CLEC2A: variants seen among roughly 807,000 people sequenced by gnomAD.
CLEC2A encodes keratinocyte-associated C-type lectin.
Under a neutral mutation model 18.6 loss-of-function variants are expected in CLEC2A, and 19 were observed. The observed-to-expected ratio is 1.02, with a 90% CI of 0.71 to 1.50. The LOEUF (loss-of-function observed/expected upper bound fraction) is 1.50, where lower values mean the gene tolerates loss of function less well. Among genes scored for constraint, CLEC2A ranks in the 40% most tolerant of loss-of-function variants. The pLI is 0.00. For missense variants in CLEC2A, 190 were observed against 207.9 expected, an observed-to-expected ratio of 0.91 and a Z score of 0.53; for synonymous variants, 74 against 64.0, an observed-to-expected ratio of 1.16 and a Z score of -0.75.
chr12:9,883,712 T>C, the CLEC2A span, among the ~76,000 whole-genome samples: 1 of 152,158 alleles, frequency 6.6e-6, no homozygotes, highest in Non-Finnish European at 1.5e-5. Flanking sequence ...GAAAGAAAAT[T>C]ATTTTGGACT....
At chr12:9,894,122 T>TTTTTTCTCTCTCTC (rs775130804), downstream of CLEC2A, among the ~76,000 whole-genome samples, 1 of 96,138 alleles carries the variant, frequency 1.0e-5, no homozygotes, top group African/African-American at 4.5e-5. Context: ...TTTCTTTCTT[T>TTTTTTCTCTCTCTC]TCTTTCTCTC....
intron 3 of CLEC2A, 58 bp from the exon 4 acceptor site, chr12:9,916,861 C>A: frequency 1.0e-6 from 1 of 986,328 alleles, no homozygotes; most frequent in East Asian, 2.6e-5. Flanking sequence ...CATTGCTGAA[C>A]ATGCTTCCCA....
At chr12:9,884,522 A>T in the CLEC2A span, among the ~76,000 whole-genome samples, 11 of 150,420 alleles carry the variant, frequency 7.3e-5, no homozygotes, top group East Asian at 2.1e-3. Flanking sequence ...TGCCTGACAT[A>T]GATATATACA....
chr12:9,919,512 G>C (rs923912519), intron 3 of CLEC2A, among the ~76,000 whole-genome samples: 1 of 152,202 alleles, frequency 6.6e-6, no homozygotes, highest in Non-Finnish European at 1.5e-5. Flanking sequence ...GGCAGTTCCA[G>C]TGCAGAGGCA....
chr12:9,903,080 A>T (rs974012499), intron 4 of CLEC2A, among the ~76,000 whole-genome samples: 2 of 152,158 alleles, frequency 1.3e-5, no homozygotes, highest in African/African-American at 2.4e-5. Flanking sequence ...TAGAAGCAAG[A>T]GAGTACAAGA....
chr12:9,922,281 G>T (rs542166264), intron 2 of CLEC2A, 49 bp from the exon 3 acceptor site: 16 of 1,426,266 alleles, frequency 1.1e-5, no homozygotes, highest in Admixed American at 8.3e-5. Context: ...GTTAAAAAGT[G>T]TTTCTACTCA....
chr12:9,892,435 A>G, the CLEC2A span, among the ~76,000 whole-genome samples: 10 of 152,326 alleles, frequency 6.6e-5, no homozygotes, highest in Non-Finnish European at 1.0e-4. Context: ...GTTGGTAATT[A>G]ACTGTCAAAA....
chr12:9,906,659 T>C (rs1862911873), intron 4 of CLEC2A, among the ~76,000 whole-genome samples: 1 of 152,208 alleles, frequency 6.6e-6, no homozygotes, highest in African/African-American at 2.4e-5. Context: ...GGCAGACCAA[T>C]TATTAGCCAA....
At chr12:9,895,564 T>C, downstream of CLEC2A, 2 of 839,642 alleles carry the variant, frequency 2.4e-6, no homozygotes, top group Non-Finnish European at 3.5e-6. Flanking sequence ...AAAATTCCAT[T>C]CTAAAACCTC....
At chr12:9,911,182 A>G (rs1862980604), downstream of CLEC2A, among the ~76,000 whole-genome samples, 2 of 152,294 alleles carry the variant, frequency 1.3e-5, no homozygotes, top group South Asian at 4.1e-4. Context: ...ATGGGGGAGA[A>G]GGAGGGAAGA....
the CLEC2A span, among the ~76,000 whole-genome samples, chr12:9,890,397 C>T: frequency 1.3e-5 from 2 of 152,160 alleles, no homozygotes; most frequent in African/African-American, 4.8e-5. Context: ...CTTTCGAGAG[C>T]TGAGGTTCCT....
chr12:9,902,916 C>T (rs573551972), intron 4 of CLEC2A, among the ~76,000 whole-genome samples: 6 of 152,174 alleles, frequency 3.9e-5, no homozygotes, highest in African/African-American at 1.4e-4. Flanking sequence ...ATAAGGTAGA[C>T]ACGTGTTGGG....
At chr12:9,911,668 C>G (rs551017293), downstream of CLEC2A, among the ~76,000 whole-genome samples, 2 of 152,216 alleles carry the variant, frequency 1.3e-5, no homozygotes, top group South Asian at 4.1e-4. Context: ...TTTATCTTCC[C>G]CTTAAAAAAA....
intron 1 of CLEC2A, among the ~76,000 whole-genome samples, chr12:9,928,921 A>G (rs1334983224): frequency 6.6e-6 from 1 of 152,210 alleles, no homozygotes; most frequent in Non-Finnish European, 1.5e-5. Context: ...AGTGTTTTGG[A>G]AAATTCTTTA....
At chr12:9,883,959 A>G in the CLEC2A span, among the ~76,000 whole-genome samples, 1 of 152,190 alleles carries the variant, frequency 6.6e-6, no homozygotes, top group Non-Finnish European at 1.5e-5. Flanking sequence ...TAGATAAAAG[A>G]ATAAAAAATA....
chr12:9,896,255 G>A (rs535880379), downstream of CLEC2A, among the ~76,000 whole-genome samples: 5 of 152,086 alleles, frequency 3.3e-5, no homozygotes, highest in Non-Finnish European at 7.4e-5. Context: ...TTTCATCTGT[G>A]TATTATAGCC....
rs1372080691 is a variant in CLEC2A at position 9,913,697 on chromosome 12, T to C, written c.411-17A>G. ...ATTTCAAACCTGAAAAAGAACACTC[T>C]AAATCAGTCTGGGAACCACTTACGG... On this transcript the variant is annotated splice_polypyrimidine_tract_variant and intron_variant, in intron 4 of 4. Coordinates refer to ENST00000455827, the MANE Select transcript of CLEC2A (RefSeq NM_001130711.2). The C allele has an allele frequency of 6.7e-7, 1 of 1,486,968 alleles. No individual in the cohort carries two copies. The highest frequency in any genetic ancestry group is 9.1e-7 in the Non-Finnish European group (1 of 1,101,718). The allele number at this position is 1,486,968 out of a possible 1,614,324, so 92.1% of individuals were successfully genotyped here.
downstream of CLEC2A, among the ~76,000 whole-genome samples, chr12:9,895,066 G>A (rs1862740902): frequency 6.6e-6 from 1 of 152,102 alleles, no homozygotes; most frequent in Non-Finnish European, 1.5e-5. Flanking sequence ...TTTATACATT[G>A]CGCATCATCC....
intron 3 of CLEC2A, among the ~76,000 whole-genome samples, chr12:9,920,137 A>C (rs990041187): frequency 3.9e-5 from 6 of 152,194 alleles, no homozygotes; most frequent in Non-Finnish European, 8.8e-5. Flanking sequence ...TAGAACTCCA[A>C]GCCAGTGGGT....
Sources: gnomAD v4.1 joint callset for allele counts (sites outside exome capture counted in the v4.1 genomes callset) on GRCh38, gnomAD v4.1.1 for gene constraint, MANE v1.5 for transcripts, NCBI Gene and HGNC (gene_info 2026-07-23, HGNC 2026-07-21) for gene names.